Variants in ARID3A observed in about 807,000 individuals in gnomAD.
The protein encoded by ARID3A is AT-rich interactive domain-containing protein 3A.
In ARID3A, 11 loss-of-function variants were observed where a neutral mutation model predicts 52.7. The observed-to-expected ratio is 0.21, with a 90% CI of 0.13 to 0.35. ARID3A has a LOEUF of 0.35. ARID3A is among the 10% of genes least tolerant of loss of function. The pLI is 1.00. For missense variants in ARID3A, 721 were observed against 838.5 expected, an observed-to-expected ratio of 0.86 and a Z score of 1.73; for synonymous variants, 404 against 359.4, an observed-to-expected ratio of 1.12 and a Z score of -1.40.
rs948668274 is a variant in ARID3A, at chr19:972,601, T to G, written c.*536T>G. ...AAACCCCTGAACCAAGATCACTGAA[T>G]TTTTGTTTTTTTCTTGTTGCTTTGG... On this transcript the variant is annotated 3_prime_UTR_variant, in exon 9 of 9. Transcript: ENST00000263620. 1 of 222,012 alleles carries G rather than the reference T, an allele frequency of 4.5e-6. No individual in the cohort carries two copies. The highest frequency in any genetic ancestry group is 5.8e-5 in the Admixed American group (1 of 17,316). 13.8% of individuals were successfully genotyped at this position (222,012 alleles called of 1,614,324 possible). A position where few individuals can be genotyped will look rare whatever the true frequency, so the allele number is the denominator to read the frequency against.
Position 929,627 on chromosome 19 carries a change from T to C in ARID3A, c.99T>C (p.Ala33=). Residue 33 remains alanine (A), a synonymous_variant, in exon 2 of 9, where the codon GCT becomes GCC. Coordinates refer to ENST00000263620, the MANE Select transcript of ARID3A (RefSeq NM_005224.3). This position sits in a 1 kb window ranked among gnomAD's most constrained non-coding sequence, Gnocchi z 6.2. The part of the protein sequence containing the change: ...ARQQLPPDPP[A]APPGRARAAP... Reference sequence around the variant, plus strand: ...AGCAGCTGCCCCCCGATCCCCCTGCTGCACCCCCCGGCCGGGCCCGGGCTG... The same window carrying C: ...AGCAGCTGCCCCCCGATCCCCCTGCCGCACCCCCCGGCCGGGCCCGGGCTG... 6.6e-7 allele frequency: 1 copy of C among 1,526,582 alleles called. No individual in the cohort carries two copies. Among genetic ancestry groups the C allele is most frequent in the South Asian group, 1.2e-5 (1 of 83,666 alleles). The allele number at this position is 1,526,582 out of a possible 1,614,324, so 94.6% of individuals were successfully genotyped here.
At chr19:953,514 G>C (rs1180409502) in intron 3 of ARID3A, among the ~76,000 whole-genome samples, 2 of 152,132 alleles carry the variant, frequency 1.3e-5, no homozygotes. Context: ...TCAGGGTCGG[G>C]GGCCACAGCG....
chr19:932,401 C>T lies in ARID3A; in HGVS notation c.369-17C>T, dbSNP rs1423481346. The stretch of plus-strand genomic sequence containing the variant: ...CCAGCACCTTCTCCCCTGACTCCTG[C>T]CCTCTGCTCACCCCAGGAAGCCCAA... On this transcript the variant is annotated splice_polypyrimidine_tract_variant and intron_variant, in intron 2 of 8. Transcript: ENST00000263620. 6.3e-7 allele frequency: 1 copy of T among 1,593,436 alleles called. No homozygotes were observed.
chr19:934,263 CT>C lies in ARID3A; in HGVS notation c.693+1522del, dbSNP rs979724328. On this transcript the variant is annotated intron_variant, in intron 3 of 8. Transcript: ENST00000263620. ...GGGGGTCAGAGGTGAATGGGACCCCCTGACCCTGGACACACGCCCCGCCCAG... is the reference window on the plus strand; with the variant it reads ...GGGGGTCAGAGGTGAATGGGACCCCCGACCCTGGACACACGCCCCGCCCAG... Among the ~76,000 whole-genome samples, 5 of 152,272 alleles carry C rather than the reference CT, an allele frequency of 3.3e-5. 1 individual carries two copies. The highest frequency in any genetic ancestry group is 1.2e-4 in the African/African-American group (5 of 41,570).
intron 3 of ARID3A, among the ~76,000 whole-genome samples, chr19:957,625 G>T (rs2037949947): frequency 6.6e-6 from 1 of 152,162 alleles, no homozygotes; most frequent in Non-Finnish European, 1.5e-5. Flanking sequence ...AGGATCGAGG[G>T]AGCCCAGGAG....
rs139262179 is a variant in ARID3A at position 960,979 on chromosome 19, CAG to C, written c.766+822_766+823del. Reference sequence around the variant, plus strand: ...ACCCCAGCTTAGAGTGACCACGGGGCAGAGAGAGTGCGGCAAGGGCTTCCGTC... The same window carrying C: ...ACCCCAGCTTAGAGTGACCACGGGGCAGAGAGTGCGGCAAGGGCTTCCGTC... On this transcript the variant is annotated intron_variant, in intron 4 of 8. Transcript: ENST00000263620. The surrounding 1 kb of genome is among the most constrained non-coding windows in gnomAD (Gnocchi z 4.3). Among the ~76,000 whole-genome samples the C allele has an allele frequency of 0.01, 1,583 of 152,220 alleles. 24 individuals carry two copies. Among genetic ancestry groups the C allele is most frequent in the African/African-American group, 0.036 (1,500 of 41,526 alleles).
chr19:938,281 C>T lies in ARID3A; in HGVS notation c.693+5539C>T, dbSNP rs1423822058. Among the ~76,000 whole-genome samples, 1 of 152,216 alleles carries T rather than the reference C, an allele frequency of 6.6e-6. No individual in the cohort carries two copies. Among genetic ancestry groups the T allele is most frequent in the Non-Finnish European group, 1.5e-5 (1 of 68,032 alleles). ...GCTGCCCATGTAACTTGCAGATGAG[C>T]TCAGAGGTGTAGGAATGACGGCACT... On this transcript the variant is annotated intron_variant, in intron 3 of 8. Transcript: ENST00000263620. The surrounding 1 kb of genome is among the most constrained non-coding windows in gnomAD (Gnocchi z 4.0).
At chr19:971,446 T>C (rs1163472855) in intron 8 of ARID3A, among the ~76,000 whole-genome samples, 1 of 152,054 alleles carries the variant, frequency 6.6e-6, no homozygotes, top group African/African-American at 2.4e-5. Context: ...ACTCCGTCTG[T>C]ACTAAAAATA....
intron 4 of ARID3A, chr19:961,707 T>C (rs988369929): frequency 1.3e-5 from 2 of 152,196 alleles, no homozygotes; most frequent in Non-Finnish European, 2.9e-5. Context: ...TCACTTGAGG[T>C]CAGGAGTTCA....
intron 3 of ARID3A, among the ~76,000 whole-genome samples, chr19:939,413 G>A (rs760918000): frequency 3.3e-4 from 50 of 152,096 alleles, no homozygotes; most frequent in Non-Finnish European, 2.2e-4. Flanking sequence ...CACCGCGCCC[G>A]GCCTCTCGAT....
intron 3 of ARID3A, among the ~76,000 whole-genome samples, chr19:943,567 CAA>C (rs55936409): frequency 7.6e-6 from 1 of 131,498 alleles, no homozygotes; most frequent in Non-Finnish European, 1.7e-5. Context: ...GACTCTGTCT[CAA>C]AAAAAAAAAG....
chr19:933,813 G>A (rs1243835559), intron 3 of ARID3A, among the ~76,000 whole-genome samples: 2 of 151,264 alleles, frequency 1.3e-5, no homozygotes, highest in South Asian at 2.1e-4. Flanking sequence ...GACACGGTGT[G>A]GGAGAATGGC....
intron 1 of ARID3A, among the ~76,000 whole-genome samples, chr19:927,578 T>G (rs2037228073): frequency 6.7e-6 from 1 of 149,588 alleles, no homozygotes; most frequent in Non-Finnish European, 1.5e-5. Flanking sequence ...GGGGCTTTGC[T>G]TGGAGCTCTT....
rs939362021 is a variant in ARID3A at position 942,816 on chromosome 19, A to G, written c.693+10074A>G. ...GAGACGGAGAACGTGAGAGCAAGTA[A>G]GAACCCGCCTTCCGGGAGGAGCCCC... On this transcript the variant is annotated intron_variant, in intron 3 of 8. Transcript: ENST00000263620. This position sits in a 1 kb window ranked among gnomAD's most constrained non-coding sequence, Gnocchi z 8.1. Among the ~76,000 whole-genome samples the G allele has an allele frequency of 6.6e-6, 1 of 152,234 alleles. No homozygotes were observed. Among genetic ancestry groups the G allele is most frequent in the Non-Finnish European group, 1.5e-5 (1 of 68,050 alleles).
rs2038312857 is a variant in ARID3A at position 973,028 on chromosome 19, TGCTGACTGTGATA to T, written c.*964_*976del. On this transcript the variant is annotated 3_prime_UTR_variant, in exon 9 of 9. Coordinates refer to ENST00000263620, the MANE Select transcript of ARID3A (RefSeq NM_005224.3). ...CGGCCAGGGGCCCCTGACAGTGAATTGCTGACTGTGATATTCCACGATGCTTTTGCTTGTGCCG... is the reference window on the plus strand; with the variant it reads ...CGGCCAGGGGCCCCTGACAGTGAATTTTCCACGATGCTTTTGCTTGTGCCG... The T allele has an allele frequency of 1.5e-5, 3 of 196,012 alleles. No homozygotes were observed. The highest frequency in any genetic ancestry group is 6.1e-5 in the Admixed American group (1 of 16,342). The allele number at this position is 196,012 out of a possible 1,614,324, so 12.1% of individuals were successfully genotyped here. A position where few individuals can be genotyped will look rare whatever the true frequency, so the allele number is the denominator to read the frequency against.
At chr19:926,999 C>A (rs922549744) in intron 1 of ARID3A, among the ~76,000 whole-genome samples, 1 of 152,022 alleles carries the variant, frequency 6.6e-6, no homozygotes, top group Non-Finnish European at 1.5e-5. Context: ...CCAGGCCCCC[C>A]CAACCCAGGA....
chr19:962,662 C>T (rs989325580), intron 4 of ARID3A, among the ~76,000 whole-genome samples: 1 of 151,870 alleles, frequency 6.6e-6, no homozygotes, highest in African/African-American at 2.4e-5. Context: ...TTACAGGCGC[C>T]CGCCACCACG....
chr19:955,169 A>C (rs927001900), intron 3 of ARID3A, among the ~76,000 whole-genome samples: 1 of 152,168 alleles, frequency 6.6e-6, no homozygotes, highest in African/African-American at 2.4e-5. Context: ...TCTGGCCCAC[A>C]AGGGGGGCCT....
In ARID3A at chr19:932,466, TGAGGAG is replaced by T. The variant is rs745547598; in HGVS notation, c.432_437del (p.Glu144_Glu145del). 1.9e-4 allele frequency: 301 copies of T among 1,569,788 alleles called. No individual in the cohort carries two copies. The highest frequency in any genetic ancestry group is 2.2e-4 in the Non-Finnish European group (259 of 1,163,246). Reference sequence around the variant, plus strand: ...AGATGGAGGAAGACCTCGGGGAGGATGAGGAGGAGGAGGAGGAGGATTACGAGGATG... The same window carrying T: ...AGATGGAGGAAGACCTCGGGGAGGATGAGGAGGAGGAGGATTACGAGGATG... On this transcript the variant is annotated inframe_deletion, in exon 3 of 9. Transcript: ENST00000263620.
Sources: allele counts gnomAD v4.1 joint callset (sites outside exome capture counted in the v4.1 genomes callset), GRCh38; gene constraint gnomAD v4.1.1; non-coding constraint Gnocchi (gnomAD v3.1); transcripts MANE v1.5; gene names NCBI Gene and HGNC (gene_info 2026-07-23, HGNC 2026-07-21).